The following NXPH1 variants were observed in gnomAD, a reference collection of about 807,000 sequenced individuals.
The protein encoded by NXPH1 is neurexophilin 1, also known as neurexophilin-1.
NXPH1 carries 5 observed loss-of-function variants against 23.7 expected under a neutral mutation model. The ratio of observed to expected loss-of-function variants is 0.21; its 90% CI spans 0.11 to 0.44. NXPH1 has a LOEUF of 0.44. NXPH1 is among the 20% of genes least tolerant of loss of function. NXPH1 has a pLI of 0.99. For synonymous variants in NXPH1, 144 were observed against 122.2 expected, an observed-to-expected ratio of 1.18 and a Z score of -1.18; for missense variants, 324 against 321.6, an observed-to-expected ratio of 1.01 and a Z score of -0.06.
intron 2 of NXPH1, among the ~76,000 whole-genome samples, chr7:8,542,568 C>G (rs1818136087): frequency 2.0e-5 from 3 of 151,574 alleles, no homozygotes; most frequent in African/African-American, 7.3e-5. Context: ...GGATCATATT[C>G]TAGGCCATGA....
rs573819553 is a variant in NXPH1, at chr7:8,538,528, C to A, written c.54+102761C>A. Among the ~76,000 whole-genome samples, 12 of 151,948 alleles carry A rather than the reference C, an allele frequency of 7.9e-5. No homozygotes were observed. The East Asian group carries it at 2.3e-3, about 30-fold the overall frequency. ...TGAGGATAAAGATAATGGGTACCAA[C>A]CTCAAAGAGATGTAGTAAGGATAAA... On this transcript the variant is annotated intron_variant, in intron 2 of 2. Transcript: ENST00000405863.
At chr7:8,474,522 C>G (rs1235985617) in intron 2 of NXPH1, among the ~76,000 whole-genome samples, 1 of 152,134 alleles carries the variant, frequency 6.6e-6, no homozygotes, top group Non-Finnish European at 1.5e-5. Context: ...CTCTCTCACA[C>G]ACATCTAATT....
intron 2 of NXPH1, among the ~76,000 whole-genome samples, chr7:8,729,983 T>C (rs1352027666): frequency 1.3e-5 from 2 of 151,746 alleles, no homozygotes; most frequent in Non-Finnish European, 2.9e-5. Context: ...CTAAGTCTCT[T>C]TGTAGGTCAC....
chr7:8,685,523 G>C (rs1028689027), intron 2 of NXPH1, among the ~76,000 whole-genome samples: 1 of 151,680 alleles, frequency 6.6e-6, no homozygotes, highest in Non-Finnish European at 1.5e-5. Flanking sequence ...GGACTGTTAA[G>C]TTGCTTCCAA....
chr7:8,595,065 G>C (rs1819190417), intron 2 of NXPH1, among the ~76,000 whole-genome samples: 2 of 151,958 alleles, frequency 1.3e-5, no homozygotes, highest in South Asian at 2.1e-4. Flanking sequence ...TCACCCTGGA[G>C]AATTATTTGG....
At position 8,562,384 on chromosome 7, in the gene NXPH1, A is replaced by T. The variant is rs1047799049; in HGVS notation, c.54+126617A>T. Among the ~76,000 whole-genome samples, 70 of 151,702 alleles carry T rather than the reference A, an allele frequency of 4.6e-4. 1 individual carries two copies. Among genetic ancestry groups the T allele is most frequent in the African/African-American group, 1.6e-3 (67 of 41,380 alleles). On this transcript the variant is annotated intron_variant, in intron 2 of 2. Coordinates refer to ENST00000405863, the MANE Select transcript of NXPH1 (RefSeq NM_152745.3). Reference sequence around the variant, plus strand: ...TAACAAAAGTACTTCAGCAAAAGAGATACCTTACAAAAGAGAGCTTTGTAA... The same window carrying T: ...TAACAAAAGTACTTCAGCAAAAGAGTTACCTTACAAAAGAGAGCTTTGTAA...
intron 2 of NXPH1, among the ~76,000 whole-genome samples, chr7:8,550,098 AACTTGCCTGCGGTGATCTGGAG>A (rs1185061058): frequency 2.3e-4 from 35 of 151,580 alleles, no homozygotes; most frequent in African/African-American, 8.2e-4. Context: ...GTAGTTATAA[AACTTGCCTGCGGTGATCTGGAG>A]ACTTTAGTGA....
In NXPH1 at chr7:8,708,475, C is replaced by T. The variant is rs138086661; in HGVS notation, c.55-42533C>T. Among the ~76,000 whole-genome samples the T allele has an allele frequency of 2.0e-5, 3 of 152,196 alleles. No homozygotes were observed. In the East Asian group the frequency reaches 5.8e-4, roughly 29 times the overall value. On this transcript the variant is annotated intron_variant, in intron 2 of 2. Transcript: ENST00000405863. ...TCCTGGGTTCAAGTGATTCTCTTGC[C>T]TTAGCCTCCCGTGTAGCTGGGATTA... is the stretch of plus-strand genomic sequence containing the variant.
intron 2 of NXPH1, among the ~76,000 whole-genome samples, chr7:8,511,590 A>C (rs1817612942): frequency 6.6e-6 from 1 of 152,104 alleles, no homozygotes; most frequent in African/African-American, 2.4e-5. Context: ...ACAAAAGAAG[A>C]AGCTGCACAT....
intron 2 of NXPH1, among the ~76,000 whole-genome samples, chr7:8,501,240 T>C (rs928810128): frequency 3.3e-5 from 5 of 152,104 alleles, no homozygotes; most frequent in Non-Finnish European, 7.4e-5. Context: ...GAATTGAAAT[T>C]AGGCTTTTCA....
At chr7:8,662,539 ATTTTAC>A (rs1820694183) in intron 2 of NXPH1, among the ~76,000 whole-genome samples, 1 of 152,042 alleles carries the variant, frequency 6.6e-6, no homozygotes, top group East Asian at 1.9e-4. Context: ...AAAATTTAAT[ATTTTAC>A]TTTTATGTAG....
At chr7:8,446,194 A>G (rs1308825667) in intron 2 of NXPH1, among the ~76,000 whole-genome samples, 1 of 152,158 alleles carries the variant, frequency 6.6e-6, no homozygotes, top group African/African-American at 2.4e-5. Flanking sequence ...GATTGTTTTG[A>G]GTGAGTTTGA....
intron 2 of NXPH1, among the ~76,000 whole-genome samples, chr7:8,614,285 G>A (rs916914050): frequency 1.3e-5 from 2 of 151,808 alleles, no homozygotes; most frequent in African/African-American, 4.8e-5. Flanking sequence ...CCTAGACATT[G>A]TATTATTGGG....
intron 2 of NXPH1, among the ~76,000 whole-genome samples, chr7:8,698,666 A>G (rs1223458366): frequency 6.6e-6 from 1 of 152,146 alleles, no homozygotes; most frequent in Non-Finnish European, 1.5e-5. Flanking sequence ...AGAGTGATAA[A>G]CTATTGCTAT....
chr7:8,441,765 G>A (rs1254845639), intron 2 of NXPH1, among the ~76,000 whole-genome samples: 2 of 152,216 alleles, frequency 1.3e-5, no homozygotes, highest in Non-Finnish European at 2.9e-5. Context: ...GAGCGCGTTT[G>A]CGCATTTTCC....
intron 2 of NXPH1, among the ~76,000 whole-genome samples, chr7:8,728,960 A>G (rs1010850806): frequency 3.7e-5 from 5 of 136,978 alleles, no homozygotes. Flanking sequence ...CTGTGAATCC[A>G]TCTGGTCCTG....
chr7:8,636,606 A>G (rs1424706295), intron 2 of NXPH1, among the ~76,000 whole-genome samples: 3 of 152,232 alleles, frequency 2.0e-5, no homozygotes, highest in Non-Finnish European at 2.9e-5. Context: ...TGAGTATGGC[A>G]TCCCATGCAA....
At chr7:8,549,629 G>A (rs182809216) in intron 2 of NXPH1, among the ~76,000 whole-genome samples, 2 of 151,458 alleles carry the variant, frequency 1.3e-5, no homozygotes, top group Admixed American at 1.3e-4. Context: ...TTGGAATTTT[G>A]TAAAGATATT....
chr7:8,690,853 A>G (rs991675257), intron 2 of NXPH1, among the ~76,000 whole-genome samples: 2 of 152,052 alleles, frequency 1.3e-5, no homozygotes, highest in Non-Finnish European at 2.9e-5. Flanking sequence ...TTCCTGGCCC[A>G]CTGACTTTTT....
Sources: allele counts gnomAD v4.1 joint callset (sites outside exome capture counted in the v4.1 genomes callset), GRCh38; gene constraint gnomAD v4.1.1; transcripts MANE v1.5; gene names NCBI Gene and HGNC (gene_info 2026-07-23, HGNC 2026-07-21).